Variants in RASGEF1C observed in about 807,000 individuals in gnomAD.
RASGEF1C encodes the protein RasGEF domain family member 1C, also known as ras-GEF domain-containing family member 1C.
In RASGEF1C, 27 loss-of-function variants were observed where a neutral mutation model predicts 58.1. The observed-to-expected ratio is 0.46, with a 90% CI of 0.34 to 0.64. RASGEF1C has a LOEUF of 0.64. Among genes scored for constraint, RASGEF1C ranks in the 30% least tolerant of loss-of-function variants. The pLI is 0.01. For missense variants in RASGEF1C, 502 were observed against 605.1 expected (o/e 0.83, Z 1.79); for synonymous variants, 243 against 246.3 (o/e 0.99, Z 0.13).
In RASGEF1C at chr5:180,128,616, G is replaced by C; in HGVS notation, c.439-6C>G. 1 of 1,612,950 alleles carries C rather than the reference G, an allele frequency of 6.2e-7. No homozygotes were observed. Among genetic ancestry groups the C allele is most frequent in the Non-Finnish European group, 8.5e-7 (1 of 1,179,842 alleles). ...TGCATCCTCTTCCGGTATGCCTGGT[G>C]GGTGGAAAGAAGGGCGCTCAGGACT... On this transcript the variant is annotated splice_region_variant and splice_polypyrimidine_tract_variant and intron_variant, in intron 4 of 13. Transcript: ENST00000361132.
intron 1 of RASGEF1C, among the ~76,000 whole-genome samples, chr5:180,183,669 A>G (rs1457596443): frequency 6.6e-6 from 1 of 152,124 alleles, no homozygotes; most frequent in African/African-American, 2.4e-5. Flanking sequence ...TACTAAAAAT[A>G]CAAAATTAGC....
At chr5:180,130,311 C>T (rs1032151041) in intron 4 of RASGEF1C, among the ~76,000 whole-genome samples, 2 of 152,172 alleles carry the variant, frequency 1.3e-5, no homozygotes, top group South Asian at 2.1e-4. Context: ...ATGGAAGGAA[C>T]GACCCCTCTC....
At position 180,118,793 on chromosome 5, in the gene RASGEF1C, G is replaced by A. The variant is rs1023311379; in HGVS notation, c.981C>T (p.Ile327=). The part of the protein sequence containing the change: ...WAKVRTAKFF[I]LEHQMDPTGN... ...GCCCAGCAGCCTCATTTACCTCGAGGATGAAAAACTTGGCCGTCCTCACTT... is the reference window on the plus strand; with the variant it reads ...GCCCAGCAGCCTCATTTACCTCGAGAATGAAAAACTTGGCCGTCCTCACTT... Residue 327 remains isoleucine, a synonymous_variant, in exon 9 of 14, where the codon ATC becomes ATT. Transcript: ENST00000361132. 9.9e-6 allele frequency: 16 copies of A among 1,614,104 alleles called. No individual in the cohort carries two copies. Among genetic ancestry groups the A allele is most frequent in the Non-Finnish European group, 1.4e-5 (16 of 1,180,032 alleles).
At chr5:180,190,273 G>A (rs1433498979) in intron 1 of RASGEF1C, among the ~76,000 whole-genome samples, 2 of 151,858 alleles carry the variant, frequency 1.3e-5, no homozygotes, top group East Asian at 1.9e-4. Context: ...GGATCACGAG[G>A]TTAGGAGATC....
chr5:180,147,872 C>T (rs1766682642), intron 1 of RASGEF1C, among the ~76,000 whole-genome samples: 1 of 152,060 alleles, frequency 6.6e-6, no homozygotes, highest in South Asian at 2.1e-4. Context: ...GGCATTCTAT[C>T]CATTATTGAG....
intron 1 of RASGEF1C, among the ~76,000 whole-genome samples, chr5:180,163,410 T>C (rs1412587489): frequency 6.6e-6 from 1 of 151,940 alleles, no homozygotes; most frequent in Non-Finnish European, 1.5e-5. Flanking sequence ...CTTTATCAGA[T>C]TGGGGAAGTT....
rs1364298589 is a variant in RASGEF1C, at chr5:180,138,247, ATTCTCCGTC to A, written c.-6-198_-6-190del. On this transcript the variant is annotated intron_variant, in intron 1 of 13. Transcript: ENST00000361132. ...GCCCCTTCCTCACAGCACAGCCTTC[ATTCTCCGTC>A]TTCTCATGGCCTCTCAACTCTCCTG... 30 of 456,720 alleles carry A rather than the reference ATTCTCCGTC, an allele frequency of 6.6e-5. No homozygotes were observed. In the East Asian group the frequency reaches 7.4e-4, roughly 11 times the overall value. 28.3% of individuals were successfully genotyped at this position (456,720 alleles called of 1,614,324 possible).
At chr5:180,200,591 G>T (rs1046444712) in intron 1 of RASGEF1C, among the ~76,000 whole-genome samples, 1 of 152,016 alleles carries the variant, frequency 6.6e-6, no homozygotes, top group Non-Finnish European at 1.5e-5. Context: ...GGGATTACAG[G>T]CGTGAGCCAC....
chr5:180,182,769 A>G (rs1026722236), intron 1 of RASGEF1C, among the ~76,000 whole-genome samples: 2 of 152,220 alleles, frequency 1.3e-5, no homozygotes, highest in African/African-American at 4.8e-5. Flanking sequence ...AGCTAGACAC[A>G]GAAAAGTTCT....
At chr5:180,138,303 T>G (rs1270557081) in intron 1 of RASGEF1C, 1 of 379,124 alleles carries the variant, frequency 2.6e-6, no homozygotes, top group Non-Finnish European at 4.7e-6. Context: ...TCTTGTCTAC[T>G]CCTCTTGCCC....
Position 180,156,427 on chromosome 5 carries a change from C to T in RASGEF1C, c.-6-18369G>A, listed in dbSNP as rs74773571. The stretch of plus-strand genomic sequence containing the variant: ...CAGCACAGTTGGTGCCTGGCAGGGC[C>T]GAGGTGGGAACCAAGCGCTGGACCT... On this transcript the variant is annotated intron_variant, in intron 1 of 13. Coordinates refer to ENST00000361132, the MANE Select transcript of RASGEF1C (RefSeq NM_175062.4). This position sits in a 1 kb window ranked among gnomAD's most constrained non-coding sequence, Gnocchi z 4.9. Among the ~76,000 whole-genome samples the T allele has an allele frequency of 0.075, 11,371 of 152,140 alleles. 433 individuals carry two copies. Among genetic ancestry groups the T allele is most frequent in the Middle Eastern group, 0.15 (44 of 294 alleles).
At chr5:180,201,269 G>C (rs567529828) in intron 1 of RASGEF1C, among the ~76,000 whole-genome samples, 2 of 152,340 alleles carry the variant, frequency 1.3e-5, no homozygotes, top group African/African-American at 4.8e-5. Flanking sequence ...TGGCCTGGAA[G>C]TAGAGGCAGC....
In RASGEF1C at chr5:180,179,636, A is replaced by G. The variant is rs536769715; in HGVS notation, c.-7+29392T>C. On this transcript the variant is annotated intron_variant, in intron 1 of 13. Transcript: ENST00000361132. ...CTCCCACGCTGCCGAGAGGCTGGGA[A>G]GGAGACGCGTCCTGCCACTGGGCGT... is the stretch of plus-strand genomic sequence containing the variant. Among the ~76,000 whole-genome samples, 32 of 152,336 alleles carry G rather than the reference A, an allele frequency of 2.1e-4. No homozygotes were observed. In the East Asian group the frequency reaches 5.4e-3, roughly 26 times the overall value.
rs1451595055 is a variant in RASGEF1C, at chr5:180,136,474, C to T, written c.342G>A (p.Leu114=). ...TTGGGAAGGTCTCGGTCCACTCGGC[C>T]AACAGCTGCAGCAGTTTGGGGCCGA... ...RKFGPKLLQL[L]AEWTETFPRD... Residue 114 remains leucine, a synonymous_variant, in exon 4 of 14, where the codon TTG becomes TTA. Transcript: ENST00000361132. The T allele has an allele frequency of 1.3e-6, 2 of 1,565,820 alleles. No individual in the cohort carries two copies. Among genetic ancestry groups the T allele is most frequent in the South Asian group, 2.3e-5 (2 of 85,314 alleles).
At chr5:180,153,247 G>T (rs375461207) in intron 1 of RASGEF1C, among the ~76,000 whole-genome samples, 2 of 152,342 alleles carry the variant, frequency 1.3e-5, no homozygotes, top group East Asian at 3.9e-4. Flanking sequence ...AGAGGCAGCA[G>T]AACACAGATC....
chr5:180,114,334 T>C, intron 11 of RASGEF1C, 112 bp downstream of exon 11: 1 of 998,260 alleles, frequency 1.0e-6, no homozygotes, highest in Non-Finnish European at 1.5e-6. Context: ...TGTGAACTGC[T>C]CATTCTGCCC....
At chr5:180,201,315 A>C (rs1049595039) in intron 1 of RASGEF1C, among the ~76,000 whole-genome samples, 5 of 152,142 alleles carry the variant, frequency 3.3e-5, no homozygotes, top group Admixed American at 6.5e-5. Flanking sequence ...AGGAAGTAGC[A>C]AGCCTGGACA....
At chr5:180,112,589 G>A (rs1461040851) in intron 11 of RASGEF1C, among the ~76,000 whole-genome samples, 3 of 152,314 alleles carry the variant, frequency 2.0e-5, no homozygotes, top group South Asian at 2.1e-4. Context: ...CGCACCCACT[G>A]TGTCACCCAC....
intron 1 of RASGEF1C, among the ~76,000 whole-genome samples, chr5:180,174,480 CTGTG>C (rs10531393): frequency 2.9e-4 from 37 of 126,794 alleles, no homozygotes; most frequent in South Asian, 2.4e-3. Flanking sequence ...GTATGTGTGT[CTGTG>C]TGTGCGCGTG....
Sources: allele counts gnomAD v4.1 joint callset (sites outside exome capture counted in the v4.1 genomes callset), GRCh38; gene constraint gnomAD v4.1.1; non-coding constraint Gnocchi (gnomAD v3.1); transcripts MANE v1.5; gene names NCBI Gene and HGNC (gene_info 2026-07-23, HGNC 2026-07-21).